PIEZO2: variants seen among roughly 807,000 people sequenced by gnomAD.
PIEZO2 encodes the protein piezo type mechanosensitive ion channel component 2, also known as piezo-type mechanosensitive ion channel component 2.
A neutral mutation model predicts 337.3 loss-of-function variants in PIEZO2; 172 were observed. The ratio of observed to expected loss-of-function variants is 0.51; its 90% CI spans 0.45 to 0.58. The LOEUF (loss-of-function observed/expected upper bound fraction) is 0.58. PIEZO2 is among the 20% of genes least tolerant of loss of function. PIEZO2 has a pLI of 0.00. For synonymous variants in PIEZO2, 1,251 were observed against 1,228.5 expected (o/e 1.02, Z -0.38); for missense variants, 3,028 against 3,391.3 (o/e 0.89, Z 2.66).
rs1267974510 is a variant in PIEZO2 at position 11,143,617 on chromosome 18, A to C, written c.64+4908T>G. 7.2e-6 allele frequency among the ~76,000 whole-genome samples: 1 copy of C among 138,018 alleles called. No individual in the cohort carries two copies. Among genetic ancestry groups the C allele is most frequent in the Non-Finnish European group, 1.5e-5 (1 of 65,346 alleles). The allele number at this position is 138,018 out of a possible 152,430, so 90.5% of individuals were successfully genotyped here. ...AAATCTCTAACACACACACACACAC[A>C]CACACACACACACACACACACACTC... On this transcript the variant is annotated intron_variant, in intron 1 of 55. Coordinates refer to ENST00000674853, the MANE Select transcript of PIEZO2 (RefSeq NM_001378183.1). This position sits in a 1 kb window ranked among gnomAD's most constrained non-coding sequence, Gnocchi z 4.9.
intron 7 of PIEZO2, among the ~76,000 whole-genome samples, chr18:10,822,677 A>T (rs1268648944): frequency 6.6e-6 from 1 of 152,186 alleles, no homozygotes; most frequent in Non-Finnish European, 1.5e-5. Flanking sequence ...ACGGCACAGC[A>T]GGAGCCGGCT....
At position 11,017,596 on chromosome 18, in the gene PIEZO2, T is replaced by A. The variant is rs146998889; in HGVS notation, c.161-37936A>T. Among the ~76,000 whole-genome samples the A allele has an allele frequency of 4.1e-4, 63 of 152,268 alleles. No homozygotes were observed. The East Asian group carries it at 0.012, about 28-fold the overall frequency. ...TCAAGCTATAAAATTTCATACCCAT[T>A]TATTTTCTCAGAGTTTATGGGTGTT... is the stretch of plus-strand genomic sequence containing the variant. On this transcript the variant is annotated intron_variant, in intron 2 of 55. Coordinates refer to ENST00000674853, the MANE Select transcript of PIEZO2 (RefSeq NM_001378183.1).
At position 11,078,133 on chromosome 18, in the gene PIEZO2, TAC is replaced by T. The variant is rs1002709482; in HGVS notation, c.65-11913_65-11912del. Among the ~76,000 whole-genome samples the T allele has an allele frequency of 4.4e-5, 6 of 137,670 alleles. No homozygotes were observed. The highest frequency in any genetic ancestry group is 6.3e-5 in the African/African-American group (2 of 31,848). 90.3% of individuals were successfully genotyped at this position (137,670 alleles called of 152,430 possible). ...CACATATACACACCATACACACACA[TAC>T]ACACACACTCACCACACACACACAT... On this transcript the variant is annotated intron_variant, in intron 1 of 55. Coordinates refer to ENST00000674853, the MANE Select transcript of PIEZO2 (RefSeq NM_001378183.1). The surrounding 1 kb of genome is among the most constrained non-coding windows in gnomAD (Gnocchi z 5.3).
In PIEZO2 at chr18:11,027,667, G is replaced by C. The variant is rs1277632077; in HGVS notation, c.160+38460C>G. On this transcript the variant is annotated intron_variant, in intron 2 of 55. Coordinates refer to ENST00000674853, the MANE Select transcript of PIEZO2 (RefSeq NM_001378183.1). The surrounding 1 kb of genome is among the most constrained non-coding windows in gnomAD (Gnocchi z 4.2). ...CAAATGGGAGTTCGGTGGGGTTTAA[G>C]TTCCATTTGGGGTTGTCTTTCACAA... 6.6e-6 allele frequency among the ~76,000 whole-genome samples: 1 copy of C among 152,090 alleles called. No homozygotes were observed. The highest frequency in any genetic ancestry group is 1.5e-5 in the Non-Finnish European group (1 of 68,018).
intron 2 of PIEZO2, among the ~76,000 whole-genome samples, chr18:11,010,139 A>G (rs1001659607): frequency 3.9e-5 from 6 of 152,190 alleles, no homozygotes; most frequent in African/African-American, 9.7e-5. Flanking sequence ...AGATTTCAAA[A>G]TTCTGTGTAT....
At position 10,803,443 on chromosome 18, in the gene PIEZO2, T is replaced by C. The variant is rs577760647; in HGVS notation, c.1200+432A>G. Among the ~76,000 whole-genome samples the C allele has an allele frequency of 2.0e-5, 3 of 152,228 alleles. No individual in the cohort carries two copies. The East Asian group carries it at 5.8e-4, about 29-fold the overall frequency. On this transcript the variant is annotated intron_variant, in intron 9 of 55. Coordinates refer to ENST00000674853, the MANE Select transcript of PIEZO2 (RefSeq NM_001378183.1). The stretch of plus-strand genomic sequence containing the variant: ...TTGTCCGTTGTTTGCCTCAAAGTGA[T>C]GAGCTCACTTCATTTATTTTCAAGT...
chr18:10,910,865 A>G (rs1459181176), intron 4 of PIEZO2, among the ~76,000 whole-genome samples: 1 of 152,048 alleles, frequency 6.6e-6, no homozygotes, highest in Non-Finnish European at 1.5e-5. Context: ...GAGGTGATGA[A>G]GCTAGGGGAG....
intron 3 of PIEZO2, among the ~76,000 whole-genome samples, chr18:10,946,556 C>A (rs1212740936): frequency 1.3e-5 from 2 of 152,136 alleles, no homozygotes; most frequent in Non-Finnish European, 1.5e-5. Context: ...AGAGACAGTG[C>A]TCAATAGTCA....
At chr18:10,717,614 C>T (rs918168041) in intron 37 of PIEZO2, among the ~76,000 whole-genome samples, 1 of 152,098 alleles carries the variant, frequency 6.6e-6, no homozygotes, top group Non-Finnish European at 1.5e-5. Flanking sequence ...CATAAAGATA[C>T]CTTCCTCCAA....
At chr18:11,098,275 G>GA (rs2039317041) in intron 1 of PIEZO2, among the ~76,000 whole-genome samples, 2 of 139,230 alleles carry the variant, frequency 1.4e-5, no homozygotes, top group Admixed American at 7.1e-5. Context: ...ACACACACAC[G>GA]AAAAAATAAA....
chr18:10,700,629 G>T (rs1598373911), intron 43 of PIEZO2, among the ~76,000 whole-genome samples: 1 of 152,166 alleles, frequency 6.6e-6, no homozygotes, highest in South Asian at 2.1e-4. Context: ...TGATACAAAA[G>T]AATGTAAAGG....
chr18:10,880,387 T>C (rs1448833566), intron 4 of PIEZO2, among the ~76,000 whole-genome samples: 1 of 152,220 alleles, frequency 6.6e-6, no homozygotes, highest in Non-Finnish European at 1.5e-5. Flanking sequence ...CTTCTTAGGA[T>C]CTTTCCAACT....
chr18:10,782,394 TA>T (rs1491192534), intron 17 of PIEZO2, among the ~76,000 whole-genome samples: 1 of 80,864 alleles, frequency 1.2e-5, no homozygotes, highest in East Asian at 2.7e-4. Context: ...TAATTATATA[TA>T]AATAATTATA....
intron 14 of PIEZO2, among the ~76,000 whole-genome samples, chr18:10,790,438 A>G (rs944982443): frequency 2.0e-5 from 3 of 152,224 alleles, no homozygotes; most frequent in Non-Finnish European, 2.9e-5. Context: ...ATTTATTGGC[A>G]TACCTAGGGA....
intron 9 of PIEZO2, 137 bp from the exon 10 acceptor site, chr18:10,801,565 C>A (rs2039816995): frequency 1.1e-5 from 8 of 743,688 alleles, no homozygotes; most frequent in Non-Finnish European, 1.7e-5. Context: ...TATTGCCATG[C>A]AAAATATAAA....
At chr18:10,705,838 C>T (rs2035564192) in intron 40 of PIEZO2, 92 bp from the exon 41 acceptor site, 11 of 1,383,314 alleles carry the variant, frequency 8.0e-6, no homozygotes, top group Non-Finnish European at 9.5e-6. Context: ...ATCAGAACTC[C>T]TAAGGAAATG....
rs397858174 is a variant in PIEZO2, at chr18:10,781,027, T to TA, written c.2493-662dup. ...TTAATTTTTGCTGCTACCCCAGAAT[T>TA]AAAAAAAAAAAGGATCCTACTCAGC... On this transcript the variant is annotated intron_variant, in intron 17 of 55. Coordinates refer to ENST00000674853, the MANE Select transcript of PIEZO2 (RefSeq NM_001378183.1). This position sits in a 1 kb window ranked among gnomAD's most constrained non-coding sequence, Gnocchi z 4.1. 0.048 allele frequency among the ~76,000 whole-genome samples: 6,978 copies of TA among 145,342 alleles called. 177 individuals carry two copies. Among genetic ancestry groups the TA allele is most frequent in the African/African-American group, 0.061 (2,436 of 39,752 alleles).
Position 10,702,082 on chromosome 18 carries a change from G to C in PIEZO2, c.6348C>G (p.Pro2116=). 1 of 1,536,904 alleles carries C rather than the reference G, an allele frequency of 6.5e-7. No homozygotes were observed. The change falls in exon 43 of 56, where the codon CCC becomes CCG. Residue 2116 remains proline, a synonymous_variant. Transcript: ENST00000674853. The part of the protein sequence containing the change: ...VEVNKDKPYH[P]PNIIGVEKKE... ...TCTTTTCCACTCCTATGATGTTTGG[G>C]GGGTGATACGGTTTATCTTTGTTCA...
chr18:10,702,832 C>A (rs1032521038), intron 42 of PIEZO2, among the ~76,000 whole-genome samples: 1 of 152,050 alleles, frequency 6.6e-6, no homozygotes, highest in Non-Finnish European at 1.5e-5. Flanking sequence ...AAAGGGAGAG[C>A]CTCAACTTAA....
Sources: gnomAD v4.1 joint callset for allele counts (sites outside exome capture counted in the v4.1 genomes callset) on GRCh38, gnomAD v4.1.1 for gene constraint, Gnocchi (gnomAD v3.1) non-coding constraint, MANE v1.5 for transcripts, NCBI Gene and HGNC (gene_info 2026-07-23, HGNC 2026-07-21) for gene names.